Variants in ZNF266 observed in about 807,000 individuals in gnomAD.
The protein encoded by ZNF266 is zinc finger protein 266.
A neutral mutation model predicts 16.4 loss-of-function variants in ZNF266; 16 were observed. That is an observed-to-expected ratio of 0.98 (90% CI 0.66 to 1.48). The LOEUF (loss-of-function observed/expected upper bound fraction) is 1.48. Ranked by LOEUF, ZNF266 falls within the 40% of genes most tolerant of loss-of-function variation. The pLI is 0.00. For missense variants in ZNF266, 738 were observed against 689.1 expected (o/e 1.07, Z -0.79); for synonymous variants, 262 against 237.9 (o/e 1.10, Z -0.93).
At chr19:9,429,951 A>G (rs1428820201) in intron 5 of ZNF266, among the ~76,000 whole-genome samples, 1 of 152,004 alleles carries the variant, frequency 6.6e-6, no homozygotes, top group Non-Finnish European at 1.5e-5. Context: ...GACGAGCAAA[A>G]ATTTTTACTT....
chr19:9,422,484 C>T (rs1271777788), intron 5 of ZNF266, among the ~76,000 whole-genome samples: 1 of 152,208 alleles, frequency 6.6e-6, no homozygotes, highest in Non-Finnish European at 1.5e-5. Flanking sequence ...AATACTGTCT[C>T]TTTCTATGCA....
intron 5 of ZNF266, among the ~76,000 whole-genome samples, chr19:9,421,344 A>G (rs1157534237): frequency 6.6e-6 from 1 of 152,210 alleles, no homozygotes; most frequent in African/African-American, 2.4e-5. Context: ...TAGGCTGAAG[A>G]GGGCCACAAA....
chr19:9,422,224 C>T (rs1213148142), intron 5 of ZNF266, among the ~76,000 whole-genome samples: 2 of 152,198 alleles, frequency 1.3e-5, no homozygotes, highest in Non-Finnish European at 2.9e-5. Flanking sequence ...CTGGGTGACA[C>T]TGCAACTTGC....
chr19:9,425,588 T>C (rs1278840689), intron 5 of ZNF266, among the ~76,000 whole-genome samples: 7 of 152,196 alleles, frequency 4.6e-5, no homozygotes, highest in Admixed American at 4.6e-4. Flanking sequence ...TTGGCCTGTT[T>C]ACTACCTGGC....
chr19:9,429,729 G>C (rs1309237648), intron 5 of ZNF266, among the ~76,000 whole-genome samples: 1 of 152,118 alleles, frequency 6.6e-6, no homozygotes, highest in African/African-American at 2.4e-5. Context: ...GATCCTGGTA[G>C]CGTACTTGCA....
Position 9,415,653 on chromosome 19 carries a change from C to T in ZNF266, c.405+1G>A. ...CTAAGACGTATCCTTGTTAATCTTACCATTTGAATCCCACTGGAGGTTGGC... is the reference window on the plus strand; with the variant it reads ...CTAAGACGTATCCTTGTTAATCTTATCATTTGAATCCCACTGGAGGTTGGC... On this transcript the variant is annotated splice_donor_variant, in intron 10 of 10. Transcript: ENST00000592904. LOFTEE classifies it high-confidence loss of function. The T allele has an allele frequency of 6.2e-7, 1 of 1,608,312 alleles. No homozygotes were observed. Among genetic ancestry groups the T allele is most frequent in the Non-Finnish European group, 8.5e-7 (1 of 1,175,536 alleles).
At chr19:9,422,562 T>G (rs1337565363) in intron 5 of ZNF266, among the ~76,000 whole-genome samples, 1 of 152,224 alleles carries the variant, frequency 6.6e-6, no homozygotes, top group African/African-American at 2.4e-5. Context: ...AATGTGGATA[T>G]TTAGTGCTCT....
intron 9 of ZNF266, among the ~76,000 whole-genome samples, chr19:9,417,546 G>A (rs767500378): frequency 6.6e-6 from 1 of 152,012 alleles, no homozygotes; most frequent in Non-Finnish European, 1.5e-5. Context: ...GACCAACACG[G>A]TCAAACCCCG....
chr19:9,429,274 G>T (rs2071230430), intron 5 of ZNF266, among the ~76,000 whole-genome samples: 1 of 151,974 alleles, frequency 6.6e-6, no homozygotes, highest in South Asian at 2.1e-4. Flanking sequence ...CCAAATCGAG[G>T]GTGCACAGTC....
At chr19:9,426,128 T>A (rs2070707375) in intron 5 of ZNF266, among the ~76,000 whole-genome samples, 1 of 151,992 alleles carries the variant, frequency 6.6e-6, no homozygotes, top group African/African-American at 2.4e-5. Flanking sequence ...TTCCATTGCA[T>A]CTGTTGCTCT....
Position 9,413,641 on chromosome 19 carries a change from T to G in ZNF266, c.1485A>C (p.Arg495Ser). 1 of 1,614,128 alleles carries G rather than the reference T, an allele frequency of 6.2e-7. No homozygotes were observed. The highest frequency in any genetic ancestry group is 8.5e-7 in the Non-Finnish European group (1 of 1,180,000). The change falls in exon 11 of 11, where the codon AGA becomes AGC. Residue 495 changes from arginine (R) to serine (S), a missense_variant. By Grantham distance (110) the Arg-to-Ser change is moderately radical. Coordinates refer to ENST00000592904, the MANE Select transcript of ZNF266 (RefSeq NM_001370374.1). ...AISSNLSGHL[R>S]IHTGEKPFEC... is the part of the protein sequence containing the mutation. ...CAAAGGGCTTCTCTCCAGTGTGAAT[T>G]CTCAAATGTCCACTAAGATTTGAAG... is the stretch of plus-strand genomic sequence containing the variant.
intron 9 of ZNF266, among the ~76,000 whole-genome samples, chr19:9,415,947 CT>C (rs1393777023): frequency 6.6e-6 from 1 of 152,148 alleles, no homozygotes; most frequent in Non-Finnish European, 1.5e-5. Flanking sequence ...CCTCAGCCTC[CT>C]GAGTAGCTGG....
Position 9,414,222 on chromosome 19 carries a change from T to C in ZNF266, c.904A>G (p.Thr302Ala). Residue 302 changes from threonine (T) to alanine (A), a missense_variant, in exon 11 of 11, where the codon ACT becomes GCT. Transcript: ENST00000592904. ...TTACACTCATAGGGATTGTCTCCAG[T>C]GTGGGTTCCCATGTGAATATTAAGG... ...AYLNIHMGTHTGDNPYECKEC... is the reference protein window; with the variant it reads ...AYLNIHMGTHAGDNPYECKEC... 8.1e-6 allele frequency: 13 copies of C among 1,614,234 alleles called. No homozygotes were observed. Among genetic ancestry groups the C allele is most frequent in the Non-Finnish European group, 1.1e-5 (13 of 1,180,044 alleles).
chr19:9,427,708 C>A (rs2070964483), intron 5 of ZNF266, among the ~76,000 whole-genome samples: 1 of 152,074 alleles, frequency 6.6e-6, no homozygotes, highest in Non-Finnish European at 1.5e-5. Flanking sequence ...ACACAACACA[C>A]CTTTTCCAGG....
intron 10 of ZNF266, 67 bp from the exon 11 acceptor site, chr19:9,414,787 G>GA: frequency 6.9e-7 from 1 of 1,456,558 alleles, no homozygotes; most frequent in East Asian, 2.3e-5. Context: ...CCACTCATCT[G>GA]AAGAGAGGAA....
At chr19:9,420,605 T>G (rs1247814118) in intron 5 of ZNF266, 2 of 151,922 alleles carry the variant, frequency 1.3e-5, no homozygotes, top group African/African-American at 4.8e-5. Context: ...AACACAAAAA[T>G]TAGCTGGGCA....
intron 8 of ZNF266, among the ~76,000 whole-genome samples, chr19:9,418,258 C>CT (rs1252320442): frequency 9.2e-5 from 14 of 152,186 alleles, no homozygotes; most frequent in Admixed American, 8.5e-4. Context: ...GACAGGGGCC[C>CT]TGTTGCAGTT....
intron 5 of ZNF266, among the ~76,000 whole-genome samples, chr19:9,423,472 G>A (rs1305052270): frequency 6.6e-6 from 1 of 152,206 alleles, no homozygotes; most frequent in South Asian, 2.1e-4. Context: ...CAGAGGAAGT[G>A]CAACAATGGA....
At chr19:9,427,495 A>G (rs1376294549) in intron 5 of ZNF266, among the ~76,000 whole-genome samples, 1 of 151,498 alleles carries the variant, frequency 6.6e-6, no homozygotes, top group Admixed American at 6.6e-5. Context: ...TAATATATAT[A>G]TATATATTTT....
Sources: allele counts gnomAD v4.1 joint callset (sites outside exome capture counted in the v4.1 genomes callset), GRCh38; gene constraint gnomAD v4.1.1; transcripts MANE v1.5; gene names NCBI Gene and HGNC (gene_info 2026-07-23, HGNC 2026-07-21).